The following VIT variants were observed in gnomAD, a reference collection of about 807,000 sequenced individuals.
The protein encoded by VIT is vitrin.
VIT carries 99 observed loss-of-function variants against 78.0 expected under a neutral mutation model. The observed-to-expected ratio is 1.27, with a 90% CI of 1.08 to 1.50. VIT has a LOEUF of 1.50. Among genes scored for constraint, VIT ranks in the 40% most tolerant of loss-of-function variants. The probability of loss-of-function intolerance (pLI) is 0.00; values close to 1 mark genes in which losing one functional copy is unlikely to be tolerated. For synonymous variants in VIT, 374 were observed against 334.3 expected (o/e 1.12, Z -1.29); for missense variants, 1,126 against 875.3 (o/e 1.29, Z -3.61).
intron 12 of VIT, among the ~76,000 whole-genome samples, chr2:36,799,083 G>C (rs1345244410): frequency 2.6e-5 from 4 of 152,168 alleles, no homozygotes; most frequent in East Asian, 1.9e-4. Context: ...GGTTAAGCTT[G>C]TTTTAAATTT....
intron 4 of VIT, among the ~76,000 whole-genome samples, chr2:36,743,949 C>T (rs1049298154): frequency 1.3e-5 from 2 of 152,084 alleles, no homozygotes; most frequent in African/African-American, 4.8e-5. Flanking sequence ...GCTTTTCAGG[C>T]TTCACCTCCC....
chr2:36,802,159 C>T (rs1666378786), intron 13 of VIT, among the ~76,000 whole-genome samples: 2 of 152,190 alleles, frequency 1.3e-5, no homozygotes, highest in African/African-American at 4.8e-5. Flanking sequence ...AAGTCTAGTC[C>T]TCAGTGGGGC....
intron 2 of VIT, among the ~76,000 whole-genome samples, chr2:36,724,570 A>G (rs983946543): frequency 3.9e-5 from 6 of 152,228 alleles, no homozygotes; most frequent in Admixed American, 1.3e-4. Context: ...CCAGGGCACA[A>G]GCACATTTGC....
rs753032653 is a variant in VIT, at chr2:36,808,699, GTT to G, written c.1619_1620del (p.Phe540Ter). ...LQFVTNLTKE[F>X]EISDTDTRIG... ...AGTTTGTGACCAACCTCACCAAAGA[GTT>G]TGAGATTTCCGACACGGACACGCGC... On this transcript the variant is annotated frameshift_variant, in exon 15 of 16. Coordinates refer to ENST00000379242, the MANE Select transcript of VIT (RefSeq NM_053276.4). LOFTEE classifies it high-confidence loss of function. 2 of 1,614,220 alleles carry G rather than the reference GTT, an allele frequency of 1.2e-6. No individual in the cohort carries two copies. Among genetic ancestry groups the G allele is most frequent in the Admixed American group, 1.7e-5 (1 of 60,026 alleles).
chr2:36,800,279 A>C (rs2148663439), intron 12 of VIT, among the ~76,000 whole-genome samples: 1 of 152,266 alleles, frequency 6.6e-6, no homozygotes, highest in Non-Finnish European at 1.5e-5. Context: ...CGGGCGGCAG[A>C]GGTTACAGTG....
chr2:36,806,591 G>C (rs913669924), intron 14 of VIT, among the ~76,000 whole-genome samples: 2 of 152,080 alleles, frequency 1.3e-5, no homozygotes, highest in Admixed American at 6.5e-5. Flanking sequence ...CTGTCGCCCA[G>C]GCTGGAATGC....
At chr2:36,761,129 C>T (rs952285453) in intron 6 of VIT, among the ~76,000 whole-genome samples, 3 of 152,182 alleles carry the variant, frequency 2.0e-5, no homozygotes, top group African/African-American at 7.2e-5. Context: ...GTATTGCACA[C>T]GTGTGATGGA....
chr2:36,767,360 G>A (rs1472329046), intron 7 of VIT, 75 bp downstream of exon 7: 1 of 1,377,938 alleles, frequency 7.3e-7, no homozygotes, highest in East Asian at 2.9e-5. Flanking sequence ...AGCTCTGTCT[G>A]AGCATCTACT....
At chr2:36,727,236 C>T (rs1666911552) in intron 2 of VIT, among the ~76,000 whole-genome samples, 1 of 152,154 alleles carries the variant, frequency 6.6e-6, no homozygotes, top group Non-Finnish European at 1.5e-5. Flanking sequence ...AGCCTCTCTT[C>T]TGAGGCTTTT....
At position 36,808,830 on chromosome 2, in the gene VIT, G is replaced by A. The variant is rs750594485; in HGVS notation, c.1748G>A (p.Trp583Ter). Residue 583 changes from tryptophan (W) to a stop codon, truncating the protein, a stop_gained, in exon 15 of 16, where the codon TGG (tryptophan) becomes TAG (stop). Coordinates refer to ENST00000379242, the MANE Select transcript of VIT (RefSeq NM_053276.4). LOFTEE classifies it high-confidence loss of function. ...ILNAIKRVGY[W>*]SGGTSTGAAI... Reference sequence around the variant, plus strand: ...AACGCCATCAAGAGGGTGGGCTACTGGAGTGGTGGCACCAGCACGGGGGCT... The same window carrying A: ...AACGCCATCAAGAGGGTGGGCTACTAGAGTGGTGGCACCAGCACGGGGGCT... 3.1e-6 allele frequency: 5 copies of A among 1,614,224 alleles called. No homozygotes were observed. Among genetic ancestry groups the A allele is most frequent in the Non-Finnish European group, 3.4e-6 (4 of 1,180,038 alleles).
At chr2:36,724,272 C>A (rs1430105857) in intron 2 of VIT, among the ~76,000 whole-genome samples, 12 of 152,140 alleles carry the variant, frequency 7.9e-5, no homozygotes. Context: ...TGCTGAGAAG[C>A]ATTGCTGCAT....
intron 2 of VIT, among the ~76,000 whole-genome samples, chr2:36,717,458 G>A (rs1041180319): frequency 1.4e-5 from 2 of 143,884 alleles, no homozygotes; most frequent in African/African-American, 2.5e-5. Flanking sequence ...GGATGGTCTC[G>A]ATCTCCTGAC....
intron 2 of VIT, among the ~76,000 whole-genome samples, chr2:36,721,261 T>C (rs895101549): frequency 1.3e-5 from 2 of 152,150 alleles, no homozygotes; most frequent in African/African-American, 4.8e-5. Flanking sequence ...TAGACAATTT[T>C]TATTTGTCAA....
In VIT at chr2:36,808,378, T is replaced by C. The variant is rs563653260; in HGVS notation, c.1390-94T>C. The C allele has an allele frequency of 5.2e-5, 76 of 1,464,380 alleles. No homozygotes were observed. The African/African-American group carries it at 9.6e-4, about 19-fold the overall frequency. 90.7% of individuals were successfully genotyped at this position (1,464,380 alleles called of 1,614,324 possible). ...GCTAGTGCAGAAAACAAGGGCCTGC[T>C]TGCTTCTTCACCTGCCCCGGGGGAT... On this transcript the variant is annotated intron_variant, in intron 14 of 15. Coordinates refer to ENST00000379242, the MANE Select transcript of VIT (RefSeq NM_053276.4).
intron 3 of VIT, among the ~76,000 whole-genome samples, chr2:36,739,703 A>G (rs1667716816): frequency 6.6e-6 from 1 of 152,178 alleles, no homozygotes; most frequent in Non-Finnish European, 1.5e-5. Context: ...GAGAGCGTCT[A>G]TGAGAAGGCA....
chr2:36,780,923 G>A (rs35824556), intron 9 of VIT, among the ~76,000 whole-genome samples: 17,282 of 152,078 alleles, frequency 0.11, 1,292 homozygotes, highest in Non-Finnish European at 0.17. Flanking sequence ...TGACACATTT[G>A]TGCTGTCCCT....
At chr2:36,743,873 T>C (rs1414992437) in intron 4 of VIT, among the ~76,000 whole-genome samples, 1 of 152,176 alleles carries the variant, frequency 6.6e-6, no homozygotes, top group East Asian at 1.9e-4. Context: ...GCATATTACA[T>C]GATGCTGGGG....
intron 12 of VIT, among the ~76,000 whole-genome samples, chr2:36,791,340 T>A (rs1665489061): frequency 6.6e-6 from 1 of 152,136 alleles, no homozygotes; most frequent in African/African-American, 2.4e-5. Context: ...CTGAGCCACC[T>A]AATGCAGGAC....
At chr2:36,787,953 A>G (rs996299724) in intron 12 of VIT, 1 of 346,952 alleles carries the variant, frequency 2.9e-6, no homozygotes, top group African/African-American at 2.2e-5. Context: ...TCCAGTCTCA[A>G]TCTTTCATTT....
Sources: allele counts gnomAD v4.1 joint callset (sites outside exome capture counted in the v4.1 genomes callset), GRCh38; gene constraint gnomAD v4.1.1; transcripts MANE v1.5; gene names NCBI Gene and HGNC (gene_info 2026-07-23, HGNC 2026-07-21).